The following UGT1A9 variants were observed in gnomAD, a reference collection of about 807,000 sequenced individuals.
The protein encoded by UGT1A9 is UDP-glucuronosyltransferase 1A9.
Under a neutral mutation model 45.0 loss-of-function variants are expected in UGT1A9, and 35 were observed. The observed-to-expected ratio is 0.78, with a 90% CI of 0.59 to 1.03. The LOEUF is 1.03. UGT1A9 is among the 50% of genes least tolerant of loss of function. The pLI, the probability that UGT1A9 is intolerant of heterozygous loss-of-function variation, is 0.00. For synonymous variants in UGT1A9, 278 were observed against 250.6 expected (o/e 1.11, Z -1.03); for missense variants, 687 against 666.6 (o/e 1.03, Z -0.34).
intron 1 of UGT1A9, among the ~76,000 whole-genome samples, chr2:233,762,910 G>A (rs1185953158): frequency 1.3e-5 from 2 of 152,074 alleles, no homozygotes; most frequent in Non-Finnish European, 2.9e-5. Flanking sequence ...CAGGGCTATT[G>A]AATTTATTAG....
chr2:233,678,755 TATCAGGTC>T (rs78535700), intron 1 of UGT1A9, among the ~76,000 whole-genome samples: 27,593 of 152,060 alleles, frequency 0.18, 2,704 homozygotes, highest in Non-Finnish European at 0.23. Flanking sequence ...CACTCATCTC[TATCAGGTC>T]ATCTATTGAT....
In UGT1A9 at chr2:233,729,555, T is replaced by C. The variant is rs549256144; in HGVS notation, c.856-37479T>C. 30 of 1,614,208 alleles carry C rather than the reference T, an allele frequency of 1.9e-5. No homozygotes were observed. In the South Asian group the frequency reaches 3.0e-4, roughly 16 times the overall value. On this transcript the variant is annotated intron_variant, in intron 1 of 4. Coordinates refer to ENST00000354728, the MANE Select transcript of UGT1A9 (RefSeq NM_021027.3). The stretch of plus-strand genomic sequence containing the variant: ...AGGCCCTGATCAGGCACCTGAATGC[T>C]ACTTCCTTTGATGTGGTTTTAACAG...
At chr2:233,727,764 G>T (rs117456176) in intron 1 of UGT1A9, among the ~76,000 whole-genome samples, 2 of 152,186 alleles carry the variant, frequency 1.3e-5, no homozygotes, top group Non-Finnish European at 2.9e-5. Flanking sequence ...CTTGAGCTGG[G>T]TGTCCCCCAG....
At chr2:233,751,396 T>C (rs939071089) in intron 1 of UGT1A9, among the ~76,000 whole-genome samples, 1 of 152,154 alleles carries the variant, frequency 6.6e-6, no homozygotes, top group African/African-American at 2.4e-5. Context: ...CAGATAAGAC[T>C]TTGGACTATG....
intron 1 of UGT1A9, among the ~76,000 whole-genome samples, chr2:233,759,295 C>T (rs939661689): frequency 1.3e-5 from 2 of 152,106 alleles, no homozygotes; most frequent in Non-Finnish European, 2.9e-5. Context: ...GAAGCTGAGC[C>T]CTGAGTGGCT....
At chr2:233,704,122 C>T (rs1488202849) in intron 1 of UGT1A9, among the ~76,000 whole-genome samples, 2 of 152,014 alleles carry the variant, frequency 1.3e-5, no homozygotes, top group African/African-American at 4.8e-5. Flanking sequence ...AACTCCTTAC[C>T]TCAAGTGATC....
intron 1 of UGT1A9, chr2:233,743,500 G>C (rs1692320466): frequency 7.3e-7 from 1 of 1,366,958 alleles, no homozygotes; most frequent in African/African-American, 1.5e-5. Flanking sequence ...AGAGAAAAGG[G>C]GTGCAGACGC....
At chr2:233,770,978 T>C (rs1192605361) in intron 4 of UGT1A9, 1 of 152,076 alleles carries the variant, frequency 6.6e-6, no homozygotes, top group Non-Finnish European at 1.5e-5. Flanking sequence ...CAGAAGGCAA[T>C]GCGGGAGCTT....
At chr2:233,726,260 G>T (rs2077520293) in intron 1 of UGT1A9, among the ~76,000 whole-genome samples, 1 of 152,196 alleles carries the variant, frequency 6.6e-6, no homozygotes, top group Admixed American at 6.5e-5. Context: ...GGGTGCAGTG[G>T]CATGCGCCTA....
intron 1 of UGT1A9, among the ~76,000 whole-genome samples, chr2:233,764,715 A>C (rs1025640523): frequency 2.0e-5 from 3 of 152,182 alleles, no homozygotes; most frequent in African/African-American, 7.2e-5. Context: ...TGTCTCCCCA[A>C]GAAAGAGGGA....
At chr2:233,740,578 C>A (rs1384729734) in intron 1 of UGT1A9, 2 of 151,730 alleles carry the variant, frequency 1.3e-5, no homozygotes, top group Non-Finnish European at 2.9e-5. Flanking sequence ...TTTTTTGGGA[C>A]CCTAATGAAA....
chr2:233,693,272 C>T lies in UGT1A9; in HGVS notation c.855+20483C>T, dbSNP rs770139285. ...GTATGACCAAGAAGAGCTGAAGAAC[C>T]GTTACCAATCATTTGGAAACAATCA... On this transcript the variant is annotated intron_variant, in intron 1 of 4. Transcript: ENST00000354728. The T allele has an allele frequency of 1.1e-4, 170 of 1,614,052 alleles. No individual in the cohort carries two copies. The South Asian group carries it at 1.7e-3, about 16-fold the overall frequency.
Position 233,742,052 on chromosome 2 carries a change from GT to G in UGT1A9, c.856-24980del, listed in dbSNP as rs1691857314. On this transcript the variant is annotated intron_variant, in intron 1 of 4. Coordinates refer to ENST00000354728, the MANE Select transcript of UGT1A9 (RefSeq NM_021027.3). ...ATGTCCCAAGCATAGCAATAGGATA[GT>G]TCTGTGTGGCCTTATGGAGATCCTT... 2.0e-5 allele frequency: 3 copies of G among 151,942 alleles called. 1 individual carries two copies. Among genetic ancestry groups the G allele is most frequent in the African/African-American group, 7.3e-5 (3 of 41,170 alleles). The allele number at this position is 151,942 out of a possible 1,614,324, so 9.4% of individuals were successfully genotyped here.
At chr2:233,701,908 G>A (rs1360609190) in intron 1 of UGT1A9, among the ~76,000 whole-genome samples, 2 of 151,992 alleles carry the variant, frequency 1.3e-5, no homozygotes. Context: ...ATCTAAAATT[G>A]ACACCCTAAC....
chr2:233,743,044 G>GTCT, intron 1 of UGT1A9: 2 of 317,270 alleles, frequency 6.3e-6, no homozygotes, highest in Non-Finnish European at 1.2e-5. Flanking sequence ...TCCTATCCGT[G>GTCT]TAGTCCCAAC....
intron 1 of UGT1A9, chr2:233,692,894 G>A: frequency 6.5e-7 from 1 of 1,528,362 alleles, no homozygotes. Context: ...CAAGGGAGAG[G>A]TAGACAGGAC....
chr2:233,765,482 C>T (rs1647966215), intron 1 of UGT1A9, among the ~76,000 whole-genome samples: 1 of 152,108 alleles, frequency 6.6e-6, no homozygotes, highest in South Asian at 2.1e-4. Context: ...TGGAAGCCAT[C>T]ATCCTCCACA....
intron 1 of UGT1A9, among the ~76,000 whole-genome samples, chr2:233,724,618 G>C (rs1325870277): frequency 7.3e-6 from 1 of 137,158 alleles, no homozygotes; most frequent in Non-Finnish European, 1.6e-5. Context: ...GGGCAGAGAC[G>C]CTCCTCACTT....
intron 1 of UGT1A9, among the ~76,000 whole-genome samples, chr2:233,741,179 T>C (rs1691582575): frequency 6.6e-6 from 1 of 151,930 alleles, no homozygotes; most frequent in Non-Finnish European, 1.5e-5. Flanking sequence ...AAACTGAACT[T>C]GTGTTTGCTT....
Sources: gnomAD v4.1 joint callset for allele counts (sites outside exome capture counted in the v4.1 genomes callset) on GRCh38, gnomAD v4.1.1 for gene constraint, MANE v1.5 for transcripts, NCBI Gene and HGNC (gene_info 2026-07-23, HGNC 2026-07-21) for gene names.